SSH2: variants seen among roughly 807,000 people sequenced by gnomAD.
The protein encoded by SSH2 is slingshot protein phosphatase 2, also known as protein phosphatase Slingshot homolog 2.
In SSH2, 37 loss-of-function variants were observed where a neutral mutation model predicts 135.2. The ratio of observed to expected loss-of-function variants is 0.27; its 90% confidence interval spans 0.21 to 0.36. The LOEUF (loss-of-function observed/expected upper bound fraction) is 0.36. Among genes scored for constraint, SSH2 ranks in the 10% least tolerant of loss-of-function variants. The pLI is 1.00. For missense variants in SSH2, 1,408 were observed against 1,765.3 expected, an observed-to-expected ratio of 0.80 and a Z score of 3.63; for synonymous variants, 628 against 646.2, an observed-to-expected ratio of 0.97 and a Z score of 0.43.
chr17:29,754,341 C>G (rs2041047336), intron 3 of SSH2, among the ~76,000 whole-genome samples: 1 of 152,134 alleles, frequency 6.6e-6, no homozygotes, highest in Non-Finnish European at 1.5e-5. Flanking sequence ...CCTTGTACAA[C>G]TACAAAGTGG....
In SSH2 at chr17:29,829,989, G is replaced by A. The variant is rs1027954773; in HGVS notation, c.144+18860C>T. On this transcript the variant is annotated intron_variant, in intron 2 of 15. Transcript: ENST00000540801. ...CGAGTAGCTGGGACTACAGGTGCCCGCCACCTCACCTGGCTAATTTTTTGT... is the reference window on the plus strand; with the variant it reads ...CGAGTAGCTGGGACTACAGGTGCCCACCACCTCACCTGGCTAATTTTTTGT... Among the ~76,000 whole-genome samples the A allele has an allele frequency of 3.9e-5, 6 of 151,926 alleles. No homozygotes were observed. In the South Asian group the frequency reaches 6.3e-4, roughly 16 times the overall value.
At chr17:29,692,416 G>T (rs2038526845) in intron 5 of SSH2, among the ~76,000 whole-genome samples, 1 of 152,106 alleles carries the variant, frequency 6.6e-6, no homozygotes, top group Non-Finnish European at 1.5e-5. Context: ...CAAAACAACT[G>T]TAAAACGGCT....
At chr17:29,811,906 A>G (rs767792956) in intron 2 of SSH2, among the ~76,000 whole-genome samples, 35 of 152,170 alleles carry the variant, frequency 2.3e-4, no homozygotes, top group Non-Finnish European at 4.4e-4. Context: ...TATAATCTCA[A>G]GTATAAAAAT....
intron 8 of SSH2, among the ~76,000 whole-genome samples, chr17:29,673,682 C>T (rs1405483256): frequency 1.3e-5 from 2 of 152,184 alleles, no homozygotes; most frequent in Admixed American, 1.3e-4. Flanking sequence ...ATCCTACCAC[C>T]CTGAAATAAC....
At position 29,698,054 on chromosome 17, in the gene SSH2, C is replaced by A. The variant is rs898059926; in HGVS notation, c.293-2531G>T. On this transcript the variant is annotated intron_variant, in intron 4 of 15. Coordinates refer to ENST00000540801, the MANE Select transcript of SSH2 (RefSeq NM_001282129.2). ...TGATACATACTATACCATGGATGAC[C>A]TTTGAAAACATGCTAAGTAAAAGGA... 1.1e-4 allele frequency among the ~76,000 whole-genome samples: 17 copies of A among 152,278 alleles called. No homozygotes were observed. The South Asian group carries it at 2.1e-3, about 19-fold the overall frequency.
intron 2 of SSH2, among the ~76,000 whole-genome samples, chr17:29,794,426 G>A (rs372986931): frequency 6.6e-6 from 1 of 152,094 alleles, no homozygotes; most frequent in African/African-American, 2.4e-5. Context: ...TACTTACAAT[G>A]TGCTAGGCAC....
rs778336293 is a variant in SSH2 at position 29,632,213 on chromosome 17, T to C, written c.2981A>G (p.Asp994Gly). 1.3e-5 allele frequency: 21 copies of C among 1,613,832 alleles called. No individual in the cohort carries two copies. Among genetic ancestry groups the C allele is most frequent in the Non-Finnish European group, 1.8e-5 (21 of 1,179,952 alleles). Residue 994 changes from aspartate to glycine, a missense_variant, in exon 16 of 16, where the codon GAT becomes GGT. Physicochemically the swap from Asp to Gly is moderately conservative, Grantham distance 94. This residue lies in a region of SSH2 where 1,080 missense variants were observed against 1,144.5 expected (regional missense o/e 0.94). Transcript: ENST00000540801. ...ATCTGACCCTGGGCCCTCCTGAGGA[T>C]CTGGCAAGTGGTCAAACTCCAGCAC... ...PRVLEFDHLP[D>G]PQEGPGSDTG...
chr17:29,847,177 T>C (rs1045559237), intron 2 of SSH2, among the ~76,000 whole-genome samples: 2 of 152,108 alleles, frequency 1.3e-5, no homozygotes, highest in African/African-American at 2.4e-5. Context: ...AGCGGCCCAG[T>C]CTCCTATGGG....
At chr17:29,884,539 T>C (rs1168119471) in intron 1 of SSH2, among the ~76,000 whole-genome samples, 1 of 152,164 alleles carries the variant, frequency 6.6e-6, no homozygotes, top group Non-Finnish European at 1.5e-5. Context: ...TTCTTGGATA[T>C]CTTACTGCCT....
At chr17:29,637,884 C>T (rs2035976571) in intron 14 of SSH2, among the ~76,000 whole-genome samples, 1 of 152,154 alleles carries the variant, frequency 6.6e-6, no homozygotes, top group East Asian at 1.9e-4. Context: ...GAGGCTAAGG[C>T]GGGCGGATCG....
chr17:29,632,052 G>C lies in SSH2; in HGVS notation c.3142C>G (p.Pro1048Ala). The change falls in exon 16 of 16, where the codon CCC becomes GCC. Residue 1048 changes from proline to alanine, a missense_variant. Physicochemically the swap from Pro to Ala is conservative, Grantham distance 27. This residue lies in a region of SSH2 where 1,080 missense variants were observed against 1,144.5 expected (regional missense o/e 0.94). Coordinates refer to ENST00000540801, the MANE Select transcript of SSH2 (RefSeq NM_001282129.2). The part of the protein sequence containing the change: ...IIEYTHIVTS[P>A]NHTGPGSEIA... ...TCACTCCCTGGCCCAGTGTGATTGG[G>C]TGATGTAACTATGTGGGTATATTCA... The C allele has an allele frequency of 1.2e-6, 2 of 1,614,232 alleles. No individual in the cohort carries two copies. The highest frequency in any genetic ancestry group is 8.5e-7 in the Non-Finnish European group (1 of 1,180,048).
intron 15 of SSH2, among the ~76,000 whole-genome samples, chr17:29,634,505 T>A (rs928256180): frequency 6.6e-6 from 1 of 152,160 alleles, no homozygotes; most frequent in Non-Finnish European, 1.5e-5. Flanking sequence ...CAAAGAAGAA[T>A]CTTAGGATTC....
chr17:29,683,715 C>T (rs905053787), intron 6 of SSH2, among the ~76,000 whole-genome samples: 2 of 151,274 alleles, frequency 1.3e-5, no homozygotes, highest in Non-Finnish European at 2.9e-5. Context: ...TTGCTTAAGC[C>T]CAAGAATTCA....
Position 29,638,557 on chromosome 17 carries a change from CACACAG to C in SSH2, c.1428-1761_1428-1756del, listed in dbSNP as rs1410582862. 1.4e-3 allele frequency among the ~76,000 whole-genome samples: 186 copies of C among 132,032 alleles called. 1 individual carries two copies. Among genetic ancestry groups the C allele is most frequent in the African/African-American group, 5.0e-3 (171 of 34,500 alleles). 86.6% of individuals were successfully genotyped at this position (132,032 alleles called of 152,430 possible). ...ACACACACACACACACACACACACACACACAGAGACAGGGTATCACACTGCCACCAG... is the reference window on the plus strand; with the variant it reads ...ACACACACACACACACACACACACACAGACAGGGTATCACACTGCCACCAG... On this transcript the variant is annotated intron_variant, in intron 14 of 15. Coordinates refer to ENST00000540801, the MANE Select transcript of SSH2 (RefSeq NM_001282129.2).
chr17:29,927,672 A>G (rs2067092193), intron 1 of SSH2, among the ~76,000 whole-genome samples: 2 of 152,220 alleles, frequency 1.3e-5, no homozygotes, highest in Admixed American at 1.3e-4. Flanking sequence ...CTAGAGTACA[A>G]GGACCTCGAA....
chr17:29,804,843 CTTTTTTTTTTTTTTT>C (rs531310094), intron 2 of SSH2, among the ~76,000 whole-genome samples: 1 of 98,998 alleles, frequency 1.0e-5, no homozygotes, highest in Admixed American at 1.1e-4. Flanking sequence ...CCACATCTGG[CTTTTTTTTTTTTTTT>C]TTTTTTTTTG....
intron 2 of SSH2, among the ~76,000 whole-genome samples, chr17:29,809,246 T>C (rs907996767): frequency 1.3e-5 from 2 of 152,206 alleles, no homozygotes; most frequent in African/African-American, 4.8e-5. Flanking sequence ...AGAGTGAGAC[T>C]CTGTCTCTAA....
chr17:29,866,936 G>A (rs897808946), intron 1 of SSH2, among the ~76,000 whole-genome samples: 2 of 151,790 alleles, frequency 1.3e-5, no homozygotes, highest in African/African-American at 4.8e-5. Context: ...GGGCTCACAC[G>A]ATCCTTCCAT....
rs752198300 is a variant in SSH2, at chr17:29,636,748, G to T, written c.1482C>A (p.Asp494Glu). The T allele has an allele frequency of 6.2e-7, 1 of 1,613,902 alleles. No homozygotes were observed. The highest frequency in any genetic ancestry group is 1.3e-5 in the African/African-American group (1 of 74,890). Reference sequence around the variant, plus strand: ...CAGGTTTGCAGATGGGTTCGTGGTGGTCTGAGAGGTCACTATCTGAATGAG... The same window carrying T: ...CAGGTTTGCAGATGGGTTCGTGGTGTTCTGAGAGGTCACTATCTGAATGAG... ...WRSHSDSDLSDHHEPICKPGL... is the reference protein window; with the variant it reads ...WRSHSDSDLSEHHEPICKPGL... Residue 494 changes from aspartate (D) to glutamate (E), a missense_variant, in exon 15 of 16, where the codon GAC becomes GAA. Around this residue, in one of 3 missense-constraint regions of SSH2, gnomAD observed 106 missense variants for 265.2 expected, o/e 0.40. Coordinates refer to ENST00000540801, the MANE Select transcript of SSH2 (RefSeq NM_001282129.2).
Sources: allele counts gnomAD v4.1 joint callset (sites outside exome capture counted in the v4.1 genomes callset), GRCh38; gene constraint gnomAD v4.1.1; regional missense constraint gnomAD v4.1.1; transcripts MANE v1.5; gene names NCBI Gene and HGNC (gene_info 2026-07-23, HGNC 2026-07-21).